Variants in ESR1 observed in about 807,000 individuals in gnomAD.
ESR1 encodes the protein estrogen receptor 1.
A neutral mutation model predicts 52.7 loss-of-function variants in ESR1; 12 were observed. The observed-to-expected ratio is 0.23, with a 90% confidence interval of 0.15 to 0.37. The LOEUF (loss-of-function observed/expected upper bound fraction) is 0.37, where lower values mean the gene tolerates loss of function less well. Among genes scored for constraint, ESR1 ranks in the 10% least tolerant of loss-of-function variants. ESR1 has a pLI of 1.00. For missense variants in ESR1, 584 were observed against 779.7 expected (o/e 0.75, Z 2.99); for synonymous variants, 305 against 316.8 (o/e 0.96, Z 0.39).
rs557173399 is a variant in ESR1, at chr6:151,708,295, A to G, written c.-71+6290A>G. On this transcript the variant is annotated intron_variant, in intron 2 of 2. Coordinates refer to the ESR1 transcript ENST00000404742. ...CAGTAGTTGCATGCAGTATAAATTTACTATAACTTATTCAAGTAATCTGCT... is the reference window on the plus strand; with the variant it reads ...CAGTAGTTGCATGCAGTATAAATTTGCTATAACTTATTCAAGTAATCTGCT... Among the ~76,000 whole-genome samples, 4 of 152,302 alleles carry G rather than the reference A, an allele frequency of 2.6e-5. No homozygotes were observed. In the East Asian group the frequency reaches 7.7e-4, roughly 29 times the overall value.
At chr6:151,861,045 A>G (rs1174523202) in intron 2 of ESR1, among the ~76,000 whole-genome samples, 1 of 152,160 alleles carries the variant, frequency 6.6e-6, no homozygotes, top group African/African-American at 2.4e-5. Flanking sequence ...GACTTAAAAT[A>G]TACTTTAAAA....
At chr6:151,703,280 A>G (rs851983) in intron 2 of ESR1, among the ~76,000 whole-genome samples, 53,157 of 151,964 alleles carry the variant, frequency 0.35, 9,721 homozygotes, top group Non-Finnish European at 0.4. Context: ...TAAAGTCACC[A>G]CTTCCAGGCT....
intron 2 of ESR1, among the ~76,000 whole-genome samples, chr6:151,713,199 T>C (rs1204188159): frequency 6.6e-6 from 1 of 152,178 alleles, no homozygotes; most frequent in Non-Finnish European, 1.5e-5. Context: ...GACTTGATTG[T>C]GGTGGACAAG....
chr6:151,865,083 A>G (rs985531200), intron 2 of ESR1, among the ~76,000 whole-genome samples: 2 of 152,180 alleles, frequency 1.3e-5, no homozygotes, highest in African/African-American at 2.4e-5. Flanking sequence ...AACTTAAAGT[A>G]TAATAAAAAA....
At chr6:151,957,635 T>G (rs888234745) in intron 4 of ESR1, among the ~76,000 whole-genome samples, 2 of 149,418 alleles carry the variant, frequency 1.3e-5, no homozygotes, top group African/African-American at 4.9e-5. Context: ...TACATTTAAG[T>G]GCTTTAAGCT....
At chr6:151,840,629 G>A (rs1326236316) in intron 1 of ESR1, among the ~76,000 whole-genome samples, 1 of 152,186 alleles carries the variant, frequency 6.6e-6, no homozygotes, top group Non-Finnish European at 1.5e-5. Flanking sequence ...GAAAGACAGG[G>A]CTTGTGAAGG....
At chr6:151,862,671 T>C (rs1049676229) in intron 2 of ESR1, among the ~76,000 whole-genome samples, 4 of 152,178 alleles carry the variant, frequency 2.6e-5, no homozygotes, top group African/African-American at 9.6e-5. Flanking sequence ...GGTGTTCACC[T>C]GCGGTTTGGG....
chr6:152,017,360 C>T (rs972338109), intron 5 of ESR1, among the ~76,000 whole-genome samples: 1 of 152,148 alleles, frequency 6.6e-6, no homozygotes, highest in African/African-American at 2.4e-5. Context: ...TCTCTGTATC[C>T]TGCAGCAGTG....
chr6:152,041,585 A>G (rs2045802995), intron 5 of ESR1, among the ~76,000 whole-genome samples: 1 of 152,038 alleles, frequency 6.6e-6, no homozygotes, highest in African/African-American at 2.4e-5. Context: ...TTATTTCCCA[A>G]CCTCTGGCAC....
At chr6:152,048,300 A>G (rs2046393844) in intron 5 of ESR1, among the ~76,000 whole-genome samples, 1 of 143,290 alleles carries the variant, frequency 7.0e-6, no homozygotes, top group African/African-American at 2.6e-5. Context: ...TGAGGAGGAT[A>G]TTGCAGTGAG....
At chr6:151,965,315 A>G (rs1358252535) in intron 4 of ESR1, among the ~76,000 whole-genome samples, 1 of 152,180 alleles carries the variant, frequency 6.6e-6, no homozygotes, top group African/African-American at 2.4e-5. Flanking sequence ...TGTATAAGTT[A>G]CTTATTTGCT....
chr6:152,085,892 T>C (rs561205673), intron 6 of ESR1, among the ~76,000 whole-genome samples: 30 of 152,164 alleles, frequency 2.0e-4, no homozygotes, highest in Non-Finnish European at 3.5e-4. Flanking sequence ...ATAGGAGATA[T>C]TGGTGTGGTC....
chr6:151,845,585 A>C (rs1784977208), intron 2 of ESR1, among the ~76,000 whole-genome samples: 1 of 151,994 alleles, frequency 6.6e-6, no homozygotes, highest in East Asian at 1.9e-4. Flanking sequence ...AAACAAAACA[A>C]CACCACCACC....
chr6:151,976,127 CTT>C (rs1363857010), intron 4 of ESR1, among the ~76,000 whole-genome samples: 1 of 151,936 alleles, frequency 6.6e-6, no homozygotes, highest in African/African-American at 2.4e-5. Flanking sequence ...GTTCTCATCT[CTT>C]TTGTTTAAGA....
At chr6:152,129,055 C>T (rs2152653920) in exon 7 of ESR1, 1 of 152,376 alleles carries the variant, frequency 6.6e-6, no homozygotes, top group African/African-American at 2.4e-5. Context: ...CTGGACAGAG[C>T]AGAGCTGAAA....
chr6:152,047,178 CAT>C (rs993502081), intron 5 of ESR1, among the ~76,000 whole-genome samples: 2 of 151,988 alleles, frequency 1.3e-5, no homozygotes, highest in Non-Finnish European at 2.9e-5. Flanking sequence ...AGTTGGAGAT[CAT>C]CTCATCCATG....
In ESR1 at chr6:151,669,185, A is replaced by G. The variant is rs74604946; in HGVS notation, n.73+12422A>G. 6.5e-4 allele frequency among the ~76,000 whole-genome samples: 75 copies of G among 115,280 alleles called. 1 individual carries two copies. Among genetic ancestry groups the G allele is most frequent in the Non-Finnish European group, 1.1e-3 (55 of 52,340 alleles). 75.6% of individuals were successfully genotyped at this position (115,280 alleles called of 152,430 possible). ...GAGAGAGAGAGAGAGAGAGAGAGAG[A>G]GAGATGGGAATCCAGGGGAGAACAG... On this transcript the variant is annotated intron_variant and non_coding_transcript_variant, in intron 1 of 2. Coordinates refer to the ESR1 transcript ENST00000473497.
intron 3 of ESR1, among the ~76,000 whole-genome samples, chr6:151,917,165 G>A (rs2030439064): frequency 6.6e-6 from 1 of 152,170 alleles, no homozygotes; most frequent in East Asian, 1.9e-4. Context: ...ACAAAGAAGA[G>A]ATCCATGGCA....
intron 6 of ESR1, among the ~76,000 whole-genome samples, chr6:152,085,020 C>G (rs1381652696): frequency 3.3e-5 from 5 of 152,184 alleles, no homozygotes; most frequent in Non-Finnish European, 5.9e-5. Flanking sequence ...CATTGGCAGG[C>G]AGAGTTTATA....
Sources: allele counts gnomAD v4.1 joint callset (sites outside exome capture counted in the v4.1 genomes callset), GRCh38; gene constraint gnomAD v4.1.1; transcripts MANE v1.5; gene names NCBI Gene and HGNC (gene_info 2026-07-23, HGNC 2026-07-21).